The following MTREX variants were observed in gnomAD, a reference collection of about 807,000 sequenced individuals.
MTREX encodes Mtr4 exosome RNA helicase.
A neutral mutation model predicts 135.4 loss-of-function variants in MTREX; 76 were observed. The ratio of observed to expected loss-of-function variants is 0.56; its 90% CI spans 0.47 to 0.68. The LOEUF (loss-of-function observed/expected upper bound fraction) is 0.68. Ranked by LOEUF, MTREX falls within the 30% of genes least tolerant of loss-of-function variation. The pLI, the probability that MTREX is intolerant of heterozygous loss-of-function variation, is 0.00. For synonymous variants in MTREX, 404 were observed against 401.6 expected, an observed-to-expected ratio of 1.01 and a Z score of -0.07; for missense variants, 920 against 1,262.1, an observed-to-expected ratio of 0.73 and a Z score of 4.11.
chr5:55,340,194 G>A lies in MTREX; in HGVS notation c.690+10G>A. On this transcript the variant is annotated intron_variant, in intron 6 of 26. Coordinates refer to ENST00000230640, the MANE Select transcript of MTREX (RefSeq NM_015360.5). ...TGTTATGACCACAGAGGTAATTCAT[G>A]TAGTGCCTCATCTGACTTTTCGTTT... The A allele has an allele frequency of 1.3e-6, 2 of 1,516,376 alleles. No homozygotes were observed. Among genetic ancestry groups the A allele is most frequent in the Non-Finnish European group, 1.8e-6 (2 of 1,131,014 alleles). The allele number at this position is 1,516,376 out of a possible 1,614,324, so 93.9% of individuals were successfully genotyped here.
At chr5:55,376,404 T>C (rs1309389680) in intron 16 of MTREX, among the ~76,000 whole-genome samples, 1 of 152,222 alleles carries the variant, frequency 6.6e-6, no homozygotes, top group Non-Finnish European at 1.5e-5. Context: ...TTTTGATCGA[T>C]GCCTTGTTGA....
chr5:55,322,062 A>G (rs1749297961), intron 1 of MTREX, among the ~76,000 whole-genome samples: 1 of 152,218 alleles, frequency 6.6e-6, no homozygotes, highest in Non-Finnish European at 1.5e-5. Flanking sequence ...TACAGTTTTA[A>G]AGAAAATATA....
At chr5:55,392,385 A>G (rs1017631043) in intron 19 of MTREX, among the ~76,000 whole-genome samples, 9 of 152,058 alleles carry the variant, frequency 5.9e-5, no homozygotes, top group Admixed American at 1.3e-4. Flanking sequence ...CTGTACTAAA[A>G]ATACAAAAAT....
Position 55,343,431 on chromosome 5 carries a change from A to G in MTREX, c.882A>G (p.Glu294=), listed in dbSNP as rs554823334. 6.2e-7 allele frequency: 1 copy of G among 1,613,120 alleles called. No individual in the cohort carries two copies. Among genetic ancestry groups the G allele is most frequent in the Admixed American group, 1.7e-5 (1 of 59,840 alleles). ...ATIPNARQFA[E]WICHLHKQPC... ...TTCCAAATGCCCGACAGTTTGCTGA[A>G]TGGATTTGCCATTTACATAAACAGG... Residue 294 remains glutamate, a synonymous_variant, in exon 8 of 27, where the codon GAA becomes GAG. Coordinates refer to ENST00000230640, the MANE Select transcript of MTREX (RefSeq NM_015360.5).
intron 18 of MTREX, among the ~76,000 whole-genome samples, chr5:55,385,714 T>C (rs1309567079): frequency 6.6e-6 from 1 of 152,228 alleles, no homozygotes; most frequent in African/African-American, 2.4e-5. Flanking sequence ...TTTTCTTCAG[T>C]TGCTGGGGAG....
chr5:55,313,274 A>C (rs1278929226), intron 1 of MTREX, among the ~76,000 whole-genome samples: 1 of 105,688 alleles, frequency 9.5e-6, no homozygotes, highest in Non-Finnish European at 1.9e-5. Context: ...CTGTCTCTAC[A>C]AAAAAAAAAA....
chr5:55,353,397 C>CGGGG (rs1749859395), intron 14 of MTREX, 128 bp downstream of exon 14: 1 of 558,284 alleles, frequency 1.8e-6, no homozygotes, highest in African/African-American at 2.0e-5. Flanking sequence ...AATACAGTTT[C>CGGGG]ATCAAGGTTA....
Position 55,416,217 on chromosome 5 carries a change from G to A in MTREX, c.2971+85G>A, listed in dbSNP as rs531740549. 4.8e-4 allele frequency: 396 copies of A among 827,572 alleles called. 4 individuals carry two copies. The African/African-American group carries it at 6.8e-3, about 14-fold the overall frequency. The allele number at this position is 827,572 out of a possible 1,614,324, so 51.3% of individuals were successfully genotyped here. ...TGTTTTAATTAAACAAGTATAATAT[G>A]TATTTTTAATATTTGGTAACTAAAT... On this transcript the variant is annotated intron_variant, in intron 25 of 26. Transcript: ENST00000230640.
Position 55,424,940 on chromosome 5 carries a change from A to G in MTREX, c.*168A>G, listed in dbSNP as rs1319507310. 3.2e-6 allele frequency: 2 copies of G among 633,464 alleles called. No individual in the cohort carries two copies. The highest frequency in any genetic ancestry group is 5.4e-6 in the Non-Finnish European group (2 of 371,244). 39.2% of individuals were successfully genotyped at this position (633,464 alleles called of 1,614,324 possible). ...CATATTACATACATGTTTATACATA[A>G]GCATTACATTTTTTTAATAAAAATG... On this transcript the variant is annotated 3_prime_UTR_variant, in exon 27 of 27. Coordinates refer to ENST00000230640, the MANE Select transcript of MTREX (RefSeq NM_015360.5).
At chr5:55,321,603 A>AT (rs570546421) in intron 1 of MTREX, among the ~76,000 whole-genome samples, 2,924 of 103,064 alleles carry the variant, frequency 0.028, 135 homozygotes, top group African/African-American at 0.084. Flanking sequence ...CCAAACATCT[A>AT]TTTTTTTTTT....
intron 16 of MTREX, among the ~76,000 whole-genome samples, chr5:55,369,997 C>T (rs1209420529): frequency 1.3e-5 from 2 of 151,654 alleles, no homozygotes; most frequent in East Asian, 3.9e-4. Flanking sequence ...GATCTCGGCT[C>T]ACCCCAACCT....
Position 55,351,011 on chromosome 5 carries a change from T to C in MTREX, c.1413T>C (p.Phe471=), listed in dbSNP as rs757007358. ...TGAAAGAAACTATAGAAATTCTCTTTTCTGAAGGATTGATAAAGGTATGGT... is the reference window on the plus strand; with the variant it reads ...TGAAAGAAACTATAGAAATTCTCTTCTCTGAAGGATTGATAAAGGTATGGT... ...PILKETIEIL[F]SEGLIKALFA... is the part of the protein sequence containing the mutation. The change falls in exon 13 of 27, where the codon TTT becomes TTC. Residue 471 remains phenylalanine, a synonymous_variant. Transcript: ENST00000230640. The C allele has an allele frequency of 6.2e-7, 1 of 1,604,158 alleles. No individual in the cohort carries two copies. The highest frequency in any genetic ancestry group is 1.3e-5 in the African/African-American group (1 of 74,406).
intron 25 of MTREX, among the ~76,000 whole-genome samples, chr5:55,420,214 TGGA>T (rs1387155269): frequency 2.0e-5 from 3 of 152,156 alleles, no homozygotes; most frequent in Admixed American, 6.6e-5. Flanking sequence ...GAGGCCAGGC[TGGA>T]TAGGAGTATT....
At position 55,323,086 on chromosome 5, in the gene MTREX, A is replaced by AT. The variant is rs59820102; in HGVS notation, c.272+631dup. On this transcript the variant is annotated intron_variant, in intron 2 of 26. Transcript: ENST00000230640. ...CCATGAAGAGTTTACAATTTCTGTG[A>AT]TTTTTTTTTAAAACCAGTTAACTTT... Among the ~76,000 whole-genome samples the AT allele has an allele frequency of 2.7e-3, 409 of 151,730 alleles. 3 individuals are homozygous for AT. Among genetic ancestry groups the AT allele is most frequent in the African/African-American group, 9.3e-3 (383 of 41,370 alleles).
At chr5:55,407,818 A>G (rs558086765) in intron 22 of MTREX, among the ~76,000 whole-genome samples, 31 of 152,012 alleles carry the variant, frequency 2.0e-4, no homozygotes, top group Admixed American at 2.0e-3. Context: ...CAGTGGTGCA[A>G]TCTCGGCTCA....
chr5:55,420,991 T>G (rs766742185), intron 25 of MTREX, among the ~76,000 whole-genome samples: 1 of 152,194 alleles, frequency 6.6e-6, no homozygotes, highest in African/African-American at 2.4e-5. Flanking sequence ...ATTTGAAAAA[T>G]TTTTTAAAGA....
chr5:55,350,942 G>C lies in MTREX; in HGVS notation c.1344G>C (p.Leu448Phe). 3 of 1,603,624 alleles carry C rather than the reference G, an allele frequency of 1.9e-6. No homozygotes were observed. The highest frequency in any genetic ancestry group is 2.5e-6 in the Non-Finnish European group (3 of 1,177,010). Residue 448 changes from leucine (L) to phenylalanine (F), a missense_variant, in exon 13 of 27, where the codon TTG (leucine) becomes TTC (phenylalanine). Transcript: ENST00000230640. ...LPQVEHVLPL[L>F]KRGIGIHHGG... ...AGGTAGAACATGTACTTCCTCTTTT[G>C]AAGAGGGGAATTGGTATTCACCATG...
intron 22 of MTREX, 152 bp from the exon 23 acceptor site, chr5:55,410,372 A>G (rs1241573886): frequency 1.9e-5 from 8 of 424,302 alleles, no homozygotes; most frequent in African/African-American, 1.2e-4. Flanking sequence ...TTAAAGATCT[A>G]CTATGTCCTT....
chr5:55,421,426 A>T (rs1376959666), intron 25 of MTREX, among the ~76,000 whole-genome samples: 1 of 152,212 alleles, frequency 6.6e-6, no homozygotes. Flanking sequence ...CTACTGGCCT[A>T]ATTTGCTTGT....
Sources: gnomAD v4.1 joint callset for allele counts (sites outside exome capture counted in the v4.1 genomes callset) on GRCh38, gnomAD v4.1.1 for gene constraint, MANE v1.5 for transcripts, NCBI Gene and HGNC (gene_info 2026-07-23, HGNC 2026-07-21) for gene names.